NYAP2: variants seen among roughly 807,000 people sequenced by gnomAD.
The protein encoded by NYAP2 is neuronal tyrosine-phosphorylated phosphoinositide-3-kinase adaptor 2, also known as neuronal tyrosine-phosphorylated phosphoinositide-3-kinase adapter 2.
NYAP2 carries 23 observed loss-of-function variants against 50.4 expected under a neutral mutation model. The observed-to-expected ratio is 0.46, with a 90% CI of 0.33 to 0.65. The LOEUF (loss-of-function observed/expected upper bound fraction) is 0.65, where lower values mean the gene tolerates loss of function less well. Among genes scored for constraint, NYAP2 ranks in the 30% least tolerant of loss-of-function variants. The pLI, the probability that NYAP2 is intolerant of heterozygous loss-of-function variation, is 0.02. For missense variants in NYAP2, 885 were observed against 861.0 expected (o/e 1.03, Z -0.35); for synonymous variants, 394 against 365.2 (o/e 1.08, Z -0.90).
At chr2:225,680,821 C>T in the NYAP2 span, among the ~76,000 whole-genome samples, 2 of 152,148 alleles carry the variant, frequency 1.3e-5, no homozygotes, top group African/African-American at 4.8e-5. Flanking sequence ...TCACCACTTA[C>T]GTTGCAGGGC....
At position 225,521,588 on chromosome 2, in the gene NYAP2, G is replaced by A. The variant is rs541092640; in HGVS notation, c.523+7916G>A. 1.1e-4 allele frequency among the ~76,000 whole-genome samples: 17 copies of A among 152,012 alleles called. No homozygotes were observed. The South Asian group carries it at 1.9e-3, about 17-fold the overall frequency. ...TGCTGGATTACACTTATTGATTTGC[G>A]TATATTGAACCAGCCTTGCATCCCA... On this transcript the variant is annotated intron_variant, in intron 4 of 6. Transcript: ENST00000636099.
chr2:225,682,256 G>C, the NYAP2 span, among the ~76,000 whole-genome samples: 1 of 152,144 alleles, frequency 6.6e-6, no homozygotes, highest in Non-Finnish European at 1.5e-5. Flanking sequence ...TATGGTCAAA[G>C]CATAGCTGTG....
At chr2:225,448,706 T>A (rs1377238061) in intron 3 of NYAP2, among the ~76,000 whole-genome samples, 1 of 152,230 alleles carries the variant, frequency 6.6e-6, no homozygotes, top group African/African-American at 2.4e-5. Flanking sequence ...ACTATCAAGC[T>A]TTCAAATTAT....
chr2:225,645,652 A>G (rs1335961226), intron 6 of NYAP2, among the ~76,000 whole-genome samples: 2 of 152,210 alleles, frequency 1.3e-5, no homozygotes, highest in African/African-American at 4.8e-5. Flanking sequence ...AGGAAGAACA[A>G]GTGCCTTCTA....
chr2:225,414,749 C>T lies in NYAP2; in HGVS notation c.221+5648C>T, dbSNP rs370369245. Among the ~76,000 whole-genome samples the T allele has an allele frequency of 1.2e-4, 19 of 152,156 alleles. No individual in the cohort carries two copies. In the East Asian group the frequency reaches 3.1e-3, roughly 25 times the overall value. ...AAGTGACGATATTCACTGAGAAGGA[C>T]GGGCAATCCAAAGATCATCTGGTAT... is the stretch of plus-strand genomic sequence containing the variant. On this transcript the variant is annotated intron_variant, in intron 3 of 6. Coordinates refer to ENST00000636099, the Ensembl canonical transcript of NYAP2.
intron 6 of NYAP2, among the ~76,000 whole-genome samples, chr2:225,638,655 A>G (rs929972130): frequency 3.3e-5 from 5 of 152,122 alleles, no homozygotes; most frequent in African/African-American, 9.7e-5. Flanking sequence ...GAGATGGCCA[A>G]CCAATCAGAG....
chr2:225,657,565 A>G (rs570084929), downstream of NYAP2, among the ~76,000 whole-genome samples: 5 of 150,584 alleles, frequency 3.3e-5, no homozygotes, highest in Admixed American at 3.3e-4. Context: ...ATCTCTTTCA[A>G]TTTTGCTGTG....
At chr2:225,446,242 CTCTCTA>C (rs1265265671) in intron 3 of NYAP2, among the ~76,000 whole-genome samples, 33 of 110,268 alleles carry the variant, frequency 3.0e-4, no homozygotes, top group African/African-American at 9.2e-4. Context: ...CTCTCTCTCT[CTCTCTA>C]TATATATATA....
chr2:225,589,975 G>A (rs1477099784), intron 5 of NYAP2, among the ~76,000 whole-genome samples: 2 of 152,148 alleles, frequency 1.3e-5, no homozygotes, highest in African/African-American at 4.8e-5. Flanking sequence ...AACCTGACCG[G>A]AGTTAGGGGC....
intron 4 of NYAP2, among the ~76,000 whole-genome samples, chr2:225,574,060 A>G (rs927126240): frequency 1.3e-5 from 2 of 152,166 alleles, no homozygotes; most frequent in African/African-American, 2.4e-5. Context: ...CTGTTCCCCA[A>G]AAGTTTCATG....
At chr2:225,684,283 G>A in the NYAP2 span, among the ~76,000 whole-genome samples, 6 of 152,196 alleles carry the variant, frequency 3.9e-5, no homozygotes, top group East Asian at 9.7e-4. Flanking sequence ...AATGGCAACC[G>A]GCACTTTGCT....
Position 225,421,935 on chromosome 2 carries a change from A to G in NYAP2, c.221+12834A>G, listed in dbSNP as rs186870536. Among the ~76,000 whole-genome samples the G allele has an allele frequency of 2.9e-3, 435 of 152,256 alleles. 2 individuals carry two copies. The highest frequency in any genetic ancestry group is 2.9e-3 in the Admixed American group (45 of 15,298). ...TAGAAATCAATTATTTCAAATATCT[A>G]ATGTTATTCTTGATTTGTTTTTTTC... On this transcript the variant is annotated intron_variant, in intron 3 of 6. Coordinates refer to ENST00000636099, the Ensembl canonical transcript of NYAP2.
chr2:225,491,572 A>G (rs559431510), intron 3 of NYAP2, among the ~76,000 whole-genome samples: 10 of 152,260 alleles, frequency 6.6e-5, no homozygotes, highest in South Asian at 4.1e-4. Context: ...TTTTACTACA[A>G]TGGTTTGTCT....
chr2:225,452,607 T>C (rs1202010956), intron 3 of NYAP2, among the ~76,000 whole-genome samples: 2 of 152,190 alleles, frequency 1.3e-5, no homozygotes, highest in African/African-American at 4.8e-5. Context: ...CTCAAATCTA[T>C]AAAGACAATT....
intron 3 of NYAP2, among the ~76,000 whole-genome samples, chr2:225,424,006 C>T (rs1695252478): frequency 6.6e-6 from 1 of 152,108 alleles, no homozygotes; most frequent in Non-Finnish European, 1.5e-5. Flanking sequence ...GTTGATAACA[C>T]AGTCCCTAAG....
At chr2:225,649,789 A>G (rs552043191) in intron 6 of NYAP2, among the ~76,000 whole-genome samples, 2 of 152,264 alleles carry the variant, frequency 1.3e-5, no homozygotes, top group African/African-American at 4.8e-5. Context: ...CATAAAATAC[A>G]TAGATGCCGA....
chr2:225,526,952 C>T (rs1691161760), intron 4 of NYAP2, among the ~76,000 whole-genome samples: 1 of 152,156 alleles, frequency 6.6e-6, no homozygotes. Flanking sequence ...CCAGGCACTG[C>T]TCAGATGGAG....
At chr2:225,488,521 A>G (rs1031439885) in intron 3 of NYAP2, among the ~76,000 whole-genome samples, 5 of 152,102 alleles carry the variant, frequency 3.3e-5, no homozygotes, top group Non-Finnish European at 5.9e-5. Context: ...TTACAGGCAC[A>G]TACCACCAAG....
intron 5 of NYAP2, among the ~76,000 whole-genome samples, chr2:225,616,611 G>T (rs1291538662): frequency 6.6e-6 from 1 of 152,180 alleles, no homozygotes; most frequent in Non-Finnish European, 1.5e-5. Context: ...GGTGGTACTG[G>T]AAAGAAAGTC....
Sources: allele counts gnomAD v4.1 joint callset (sites outside exome capture counted in the v4.1 genomes callset), GRCh38; gene constraint gnomAD v4.1.1; transcripts MANE v1.5; gene names NCBI Gene and HGNC (gene_info 2026-07-23, HGNC 2026-07-21).